Variants in RXFP1 observed in about 807,000 individuals in gnomAD.
RXFP1 encodes the protein relaxin receptor 1.
A neutral mutation model predicts 89.8 loss-of-function variants in RXFP1; 73 were observed. The observed-to-expected ratio is 0.81, with a 90% CI of 0.67 to 0.99. RXFP1 has a LOEUF of 0.99. Ranked by LOEUF, RXFP1 falls within the 50% of genes least tolerant of loss-of-function variation. The pLI is 0.00. For missense variants in RXFP1, 793 were observed against 895.5 expected (o/e 0.89, Z 1.46); for synonymous variants, 277 against 305.5 (o/e 0.91, Z 0.97).
At chr4:158,576,761 A>G (rs1001970593) in intron 2 of RXFP1, among the ~76,000 whole-genome samples, 3 of 152,174 alleles carry the variant, frequency 2.0e-5, no homozygotes, top group African/African-American at 7.2e-5. Context: ...AATAGAAAAA[A>G]AAAATTAATT....
chr4:158,543,756 T>C (rs1307803330), intron 1 of RXFP1: 2 of 985,100 alleles, frequency 2.0e-6, no homozygotes, highest in Middle Eastern at 5.2e-4. Context: ...ACTTTTTTAT[T>C]AACACTCCAT....
At chr4:158,622,236 G>A (rs1457337260) in intron 9 of RXFP1, among the ~76,000 whole-genome samples, 12 of 152,040 alleles carry the variant, frequency 7.9e-5, no homozygotes, top group Admixed American at 4.6e-4. Context: ...ACTTGAACCC[G>A]GGAGGCGGAG....
At chr4:158,543,870 G>A (rs2149842928) in intron 1 of RXFP1, 3 of 985,152 alleles carry the variant, frequency 3.0e-6, no homozygotes, top group Non-Finnish European at 2.4e-6. Context: ...TGCCAAATTT[G>A]CCCATCAATT....
intron 6 of RXFP1, chr4:158,610,536 A>G (rs1763380784): frequency 2.2e-6 from 1 of 462,082 alleles, no homozygotes; most frequent in Middle Eastern, 3.3e-4. Context: ...TATATAAAAC[A>G]TTAGAGAACC....
intron 2 of RXFP1, among the ~76,000 whole-genome samples, chr4:158,589,271 A>G (rs568107554): frequency 6.6e-6 from 1 of 152,296 alleles, no homozygotes; most frequent in East Asian, 1.9e-4. Context: ...ATTCAAGGTG[A>G]GATTTGAGTG....
chr4:158,610,807 T>G, intron 6 of RXFP1: 1 of 840,266 alleles, frequency 1.2e-6, no homozygotes, highest in Non-Finnish European at 1.7e-6. Context: ...GCTCCAGGTT[T>G]GCAAAGGAGG....
At chr4:158,556,233 A>T (rs1056459249) in intron 1 of RXFP1, among the ~76,000 whole-genome samples, 1 of 152,008 alleles carries the variant, frequency 6.6e-6, no homozygotes, top group African/African-American at 2.4e-5. Flanking sequence ...GCAAAAAAAA[A>T]AAAAAAAATT....
intron 9 of RXFP1, among the ~76,000 whole-genome samples, chr4:158,623,781 A>G (rs912694167): frequency 2.0e-5 from 3 of 151,968 alleles, no homozygotes; most frequent in Non-Finnish European, 4.4e-5. Flanking sequence ...CTTCAGGAAA[A>G]TCTCCTTAAA....
At chr4:158,611,647 A>G (rs947325955) in intron 6 of RXFP1, among the ~76,000 whole-genome samples, 4 of 152,100 alleles carry the variant, frequency 2.6e-5, no homozygotes, top group Admixed American at 6.5e-5. Flanking sequence ...ACTCTTCTCA[A>G]TTGTGCCTCT....
intron 11 of RXFP1, among the ~76,000 whole-genome samples, chr4:158,631,483 A>G (rs115877139): frequency 0.021 from 3,172 of 152,328 alleles, 47 homozygotes; most frequent in Non-Finnish European, 0.034. Flanking sequence ...AAGGAAGCAC[A>G]TATGTACAGA....
intron 2 of RXFP1, among the ~76,000 whole-genome samples, chr4:158,593,060 C>T (rs1036779976): frequency 2.7e-4 from 41 of 150,228 alleles, no homozygotes; most frequent in African/African-American, 9.1e-4. Flanking sequence ...AGCACTCCAC[C>T]TGGGCGACCA....
At chr4:158,599,724 G>C (rs571569442) in intron 4 of RXFP1, among the ~76,000 whole-genome samples, 1 of 152,088 alleles carries the variant, frequency 6.6e-6, no homozygotes, top group East Asian at 1.9e-4. Flanking sequence ...AGAAAAAATG[G>C]CTTCTAATTA....
intron 14 of RXFP1, among the ~76,000 whole-genome samples, chr4:158,643,938 G>A (rs561582449): frequency 2.0e-5 from 3 of 151,758 alleles, no homozygotes; most frequent in East Asian, 1.9e-4. Context: ...TCCATCCAAC[G>A]TTGGAGTAAG....
chr4:158,593,099 AC>A (rs1401031986), intron 2 of RXFP1, among the ~76,000 whole-genome samples: 2 of 126,284 alleles, frequency 1.6e-5, no homozygotes, highest in East Asian at 1.9e-4. Context: ...AAAAAAAAAA[AC>A]AAAAACAAAC....
intron 4 of RXFP1, among the ~76,000 whole-genome samples, chr4:158,604,031 T>G (rs1762162237): frequency 6.6e-6 from 1 of 151,864 alleles, no homozygotes; most frequent in African/African-American, 2.4e-5. Context: ...TGAGAGTGCA[T>G]GGACTTCTAG....
intron 9 of RXFP1, 33 bp downstream of exon 9, chr4:158,617,238 A>G (rs1309022866): frequency 6.6e-7 from 1 of 1,520,588 alleles, no homozygotes; most frequent in Non-Finnish European, 9.0e-7. Context: ...AAAGAACTCA[A>G]CTAAATTTTC....
At chr4:158,529,666 G>C (rs1414801535) in intron 1 of RXFP1, among the ~76,000 whole-genome samples, 1 of 152,056 alleles carries the variant, frequency 6.6e-6, no homozygotes, top group Non-Finnish European at 1.5e-5. Context: ...TCCCTTTCCT[G>C]GCTAAGCAAC....
At chr4:158,579,595 T>A (rs1756936801) in intron 2 of RXFP1, among the ~76,000 whole-genome samples, 1 of 152,150 alleles carries the variant, frequency 6.6e-6, no homozygotes, top group African/African-American at 2.4e-5. Flanking sequence ...ACCAAGTTTG[T>A]GGGAATTTGT....
intron 1 of RXFP1, among the ~76,000 whole-genome samples, chr4:158,535,690 C>T (rs1745118986): frequency 6.6e-6 from 1 of 152,244 alleles, no homozygotes; most frequent in Non-Finnish European, 1.5e-5. Context: ...TATTTTCTCC[C>T]TATTCCTATC....
Sources: gnomAD v4.1 joint callset for allele counts (sites outside exome capture counted in the v4.1 genomes callset) on GRCh38, gnomAD v4.1.1 for gene constraint, MANE v1.5 for transcripts, NCBI Gene and HGNC (gene_info 2026-07-23, HGNC 2026-07-21) for gene names.